Variants in PRELID2 observed in about 807,000 individuals in gnomAD.
PRELID2 encodes PRELI domain-containing protein 2.
PRELID2 carries 25 observed loss-of-function variants against 28.4 expected under a neutral mutation model. The ratio of observed to expected loss-of-function variants is 0.88; its 90% CI spans 0.64 to 1.23. The LOEUF (loss-of-function observed/expected upper bound fraction) is 1.23. Ranked by LOEUF, PRELID2 falls within the 50% of genes most tolerant of loss-of-function variation. PRELID2 has a pLI of 0.00. For synonymous variants in PRELID2, 76 were observed against 71.6 expected (o/e 1.06, Z -0.31); for missense variants, 201 against 214.4 (o/e 0.94, Z 0.39).
At chr5:145,706,793 A>C (rs1755560549) in intron 1 of PRELID2, among the ~76,000 whole-genome samples, 1 of 152,224 alleles carries the variant, frequency 6.6e-6, no homozygotes, top group Non-Finnish European at 1.5e-5. Flanking sequence ...ATGAAACATA[A>C]ATAACCCCAG....
intron 1 of PRELID2, among the ~76,000 whole-genome samples, chr5:145,591,991 C>T (rs1304364811): frequency 6.6e-6 from 1 of 152,182 alleles, no homozygotes; most frequent in Middle Eastern, 3.2e-3. Flanking sequence ...CATACACTAT[C>T]CATGAATGTG....
At chr5:145,364,709 A>G in the PRELID2 span, among the ~76,000 whole-genome samples, 1 of 151,988 alleles carries the variant, frequency 6.6e-6, no homozygotes, top group African/African-American at 2.4e-5. Context: ...TTGCCTAAAA[A>G]TAAAATTCTA....
At chr5:145,652,232 TC>T (rs2149671884) in intron 1 of PRELID2, among the ~76,000 whole-genome samples, 1 of 152,276 alleles carries the variant, frequency 6.6e-6, no homozygotes, top group East Asian at 1.9e-4. Flanking sequence ...AAACAAAGCC[TC>T]CAAGAAATAT....
chr5:145,532,595 A>G (rs1184918274), intron 1 of PRELID2, among the ~76,000 whole-genome samples: 5 of 152,008 alleles, frequency 3.3e-5, no homozygotes, highest in African/African-American at 9.7e-5. Context: ...ACTTTCTACC[A>G]TTTAACCAAT....
the PRELID2 span, among the ~76,000 whole-genome samples, chr5:145,382,224 A>G: frequency 6.6e-6 from 1 of 152,142 alleles, no homozygotes; most frequent in South Asian, 2.1e-4. Flanking sequence ...AAGAACAGAT[A>G]GTAAAAGACT....
At chr5:145,312,452 T>G in the PRELID2 span, among the ~76,000 whole-genome samples, 81 of 152,152 alleles carry the variant, frequency 5.3e-4, no homozygotes, top group African/African-American at 1.7e-3. Flanking sequence ...CAGAACTTAT[T>G]TCTCCTATTG....
At chr5:145,668,840 A>G (rs953781184) in intron 1 of PRELID2, among the ~76,000 whole-genome samples, 2 of 152,134 alleles carry the variant, frequency 1.3e-5, no homozygotes, top group Admixed American at 6.6e-5. Flanking sequence ...TGTAACAGGA[A>G]GGTTATTAGA....
the PRELID2 span, among the ~76,000 whole-genome samples, chr5:145,318,176 T>A: frequency 6.6e-6 from 1 of 152,178 alleles, no homozygotes; most frequent in Non-Finnish European, 1.5e-5. Context: ...TTTCAGTGTT[T>A]CTACAAAGCA....
intron 1 of PRELID2, among the ~76,000 whole-genome samples, chr5:145,557,716 C>G (rs1283777066): frequency 6.6e-6 from 1 of 152,168 alleles, no homozygotes; most frequent in Non-Finnish European, 1.5e-5. Flanking sequence ...AATTCTCACA[C>G]TAATCCAATG....
intron 1 of PRELID2, among the ~76,000 whole-genome samples, chr5:145,474,296 T>C (rs1270343296): frequency 6.6e-6 from 1 of 152,222 alleles, no homozygotes; most frequent in Non-Finnish European, 1.5e-5. Flanking sequence ...AGTGTTCTCA[T>C]GGCCTCAACA....
chr5:145,379,861 C>T, the PRELID2 span, among the ~76,000 whole-genome samples: 2 of 151,974 alleles, frequency 1.3e-5, no homozygotes, highest in Non-Finnish European at 2.9e-5. Flanking sequence ...CAAGACTGCC[C>T]TTCAAGCAAG....
intron 1 of PRELID2, among the ~76,000 whole-genome samples, chr5:145,677,641 G>A (rs1482811123): frequency 6.6e-6 from 1 of 152,032 alleles, no homozygotes; most frequent in Non-Finnish European, 1.5e-5. Context: ...ACAGGCACAG[G>A]GGTTCATTGT....
the PRELID2 span, among the ~76,000 whole-genome samples, chr5:145,422,209 G>C: frequency 5.4e-5 from 8 of 149,176 alleles, no homozygotes; most frequent in Non-Finnish European, 7.4e-5. Context: ...TGTATATTCT[G>C]TTGATTTGGG....
At chr5:145,515,521 G>A (rs577935962) in intron 1 of PRELID2, among the ~76,000 whole-genome samples, 23 of 152,210 alleles carry the variant, frequency 1.5e-4, no homozygotes, top group Admixed American at 1.1e-3. Flanking sequence ...AAACAAAAAA[G>A]CCCAGGACCA....
the PRELID2 span, among the ~76,000 whole-genome samples, chr5:145,317,474 G>T: frequency 6.6e-6 from 1 of 152,146 alleles, no homozygotes; most frequent in African/African-American, 2.4e-5. Context: ...AGATCTCTCT[G>T]TTATCCTTTG....
At chr5:145,752,715 C>G (rs1186804298), downstream of PRELID2, among the ~76,000 whole-genome samples, 1 of 152,162 alleles carries the variant, frequency 6.6e-6, no homozygotes, top group African/African-American at 2.4e-5. Context: ...CACATCCTGT[C>G]GCCATTTACA....
chr5:145,531,224 G>C (rs1003819604), intron 1 of PRELID2, among the ~76,000 whole-genome samples: 1 of 152,048 alleles, frequency 6.6e-6, no homozygotes, highest in African/African-American at 2.4e-5. Context: ...TGAGGAAGTG[G>C]GGGAAGGACA....
chr5:145,728,185 A>C (rs182380075), intron 1 of PRELID2, among the ~76,000 whole-genome samples: 1 of 152,048 alleles, frequency 6.6e-6, no homozygotes, highest in Admixed American at 6.5e-5. Context: ...TTGCTTTTGT[A>C]CATCTTTAGG....
intron 1 of PRELID2, among the ~76,000 whole-genome samples, chr5:145,631,260 G>A (rs1365568535): frequency 6.6e-6 from 1 of 152,132 alleles, no homozygotes; most frequent in African/African-American, 2.4e-5. Flanking sequence ...CTAAGCACCT[G>A]GAAGACCTTA....
Sources: allele counts gnomAD v4.1 joint callset (sites outside exome capture counted in the v4.1 genomes callset), GRCh38; gene constraint gnomAD v4.1.1; transcripts MANE v1.5; gene names NCBI Gene and HGNC (gene_info 2026-07-23, HGNC 2026-07-21).